Variants in CYFIP1 observed in about 807,000 individuals in gnomAD.
CYFIP1 encodes the protein cytoplasmic FMR1 interacting protein 1.
Under a neutral mutation model 163.5 loss-of-function variants are expected in CYFIP1, and 58 were observed. That is an observed-to-expected ratio of 0.35 (90% CI 0.29 to 0.44). The LOEUF (loss-of-function observed/expected upper bound fraction) is 0.44, where lower values mean the gene tolerates loss of function less well. CYFIP1 is among the 20% of genes least tolerant of loss of function. The probability of loss-of-function intolerance (pLI) is 1.00; values close to 1 mark genes in which losing one functional copy is unlikely to be tolerated. For synonymous variants in CYFIP1, 663 were observed against 660.7 expected (o/e 1.00, Z -0.05); for missense variants, 1,338 against 1,653.8 (o/e 0.81, Z 3.31).
intron 23 of CYFIP1, among the ~76,000 whole-genome samples, chr15:22,883,891 TAC>T (rs1037929435): frequency 1.3e-5 from 2 of 150,582 alleles, no homozygotes; most frequent in African/African-American, 2.5e-5. Flanking sequence ...TCAGAAAACT[TAC>T]AGTTATGCAG....
chr15:22,915,017 G>A (rs1445006050), intron 16 of CYFIP1, 135 bp from the exon 17 acceptor site: 7 of 885,928 alleles, frequency 7.9e-6, no homozygotes, highest in African/African-American at 1.7e-5. Context: ...GGACATGAGT[G>A]GGGAGGGGTC....
At chr15:22,871,942 A>C (rs2059111874) in intron 30 of CYFIP1, among the ~76,000 whole-genome samples, 1 of 141,344 alleles carries the variant, frequency 7.1e-6, no homozygotes, top group South Asian at 2.3e-4. Flanking sequence ...TTGTGAGATA[A>C]TCAGTGGTAT....
At chr15:22,908,603 C>T (rs2060670676) in intron 21 of CYFIP1, among the ~76,000 whole-genome samples, 1 of 135,668 alleles carries the variant, frequency 7.4e-6, no homozygotes, top group South Asian at 2.4e-4. Flanking sequence ...GATCTGGGCT[C>T]ACTGCAACCC....
chr15:22,916,729 C>T (rs376121137), intron 15 of CYFIP1, 99 bp from the exon 16 acceptor site: 39 of 1,613,466 alleles, frequency 2.4e-5, no homozygotes, highest in African/African-American at 9.3e-5. Context: ...TGCTCCGCTA[C>T]GCCCTGGTCG....
chr15:22,878,683 A>C (rs2059656710), intron 26 of CYFIP1, among the ~76,000 whole-genome samples: 3 of 151,972 alleles, frequency 2.0e-5, no homozygotes, highest in African/African-American at 4.8e-5. Context: ...TTAAAAAAAA[A>C]AAAAAGTGCT....
intron 1 of CYFIP1, among the ~76,000 whole-genome samples, chr15:22,976,133 C>T (rs1001771361): frequency 1.3e-5 from 2 of 151,822 alleles, no homozygotes; most frequent in Admixed American, 6.6e-5. Flanking sequence ...TTGAAGCAAA[C>T]GAAATGTTGT....
rs2059185225 is a variant in CYFIP1 at position 22,867,462 on chromosome 15, T to C, written c.*2566A>G. 2.7e-5 allele frequency: 9 copies of C among 337,884 alleles called. No homozygotes were observed. The highest frequency in any genetic ancestry group is 9.6e-5 in the Admixed American group (2 of 20,892). The allele number at this position is 337,884 out of a possible 1,614,324, so 20.9% of individuals were successfully genotyped here. On this transcript the variant is annotated 3_prime_UTR_variant, in exon 31 of 31. Transcript: ENST00000617928. ...GATGATCACCGTGAATCCGGCTTCC[T>C]CTGAGCATTCGATGGCCTTAGCACC...
In CYFIP1 at chr15:22,874,537, C is replaced by G. The variant is rs200179644; in HGVS notation, c.3210+13G>C. ...CAGCTTGCAACAGCCACAGCCATCA[C>G]GGTACACGTTACCTGAGGGGTCCCC... On this transcript the variant is annotated intron_variant, in intron 28 of 30. Transcript: ENST00000617928. 8 of 1,578,714 alleles carry G rather than the reference C, an allele frequency of 5.1e-6. No homozygotes were observed. In the African/African-American group the frequency reaches 9.6e-5, roughly 19 times the overall value.
chr15:22,893,991 C>A (rs994214489), intron 22 of CYFIP1, among the ~76,000 whole-genome samples: 1 of 152,118 alleles, frequency 6.6e-6, no homozygotes, highest in Non-Finnish European at 1.5e-5. Flanking sequence ...GGAGGCGCTA[C>A]GGTCAGGGTG....
At chr15:22,883,138 A>G (rs1188754799) in intron 23 of CYFIP1, 127 bp from the exon 24 acceptor site, 2 of 1,100,024 alleles carry the variant, frequency 1.8e-6, no homozygotes, top group Non-Finnish European at 2.6e-6. Flanking sequence ...GACTTGTAAA[A>G]TCTACTGCCC....
chr15:22,896,910 CT>C lies in CYFIP1; in HGVS notation c.2589-3934del, dbSNP rs1314929576. Among the ~76,000 whole-genome samples, 598 of 152,140 alleles carry C rather than the reference CT, an allele frequency of 3.9e-3. 3 individuals are homozygous for C. The highest frequency in any genetic ancestry group is 0.014 in the African/African-American group (569 of 41,514). On this transcript the variant is annotated intron_variant, in intron 22 of 30. Coordinates refer to ENST00000617928, the MANE Select transcript of CYFIP1 (RefSeq NM_014608.6). ...TTGCATGTCTTGACTTTGTTACTGT[CT>C]TTTAAAGAGTGTTGGCCGGGCGAGG...
chr15:22,886,249 A>G (rs1316942301), intron 23 of CYFIP1, among the ~76,000 whole-genome samples: 1 of 152,104 alleles, frequency 6.6e-6, no homozygotes, highest in Non-Finnish European at 1.5e-5. Context: ...ATTTCAGATG[A>G]GATTTGGGTG....
chr15:22,962,801 ACTG>A (rs540514027), intron 1 of CYFIP1, among the ~76,000 whole-genome samples: 107 of 152,318 alleles, frequency 7.0e-4, no homozygotes, highest in African/African-American at 2.6e-3. Flanking sequence ...TACTGTGCCC[ACTG>A]CTATTACGAG....
chr15:22,919,305 A>G (rs2061100946), intron 13 of CYFIP1, among the ~76,000 whole-genome samples: 1 of 152,220 alleles, frequency 6.6e-6, no homozygotes, highest in African/African-American at 2.4e-5. Flanking sequence ...ACATAATTAC[A>G]TGACAAAGAG....
intron 6 of CYFIP1, among the ~76,000 whole-genome samples, chr15:22,941,259 G>T (rs142223279): frequency 5.8e-4 from 88 of 151,818 alleles, no homozygotes; most frequent in African/African-American, 2.0e-3. Flanking sequence ...ATGGGGTCTT[G>T]CTATGTTACC....
intron 17 of CYFIP1, among the ~76,000 whole-genome samples, chr15:22,912,759 A>T (rs2060828655): frequency 6.6e-6 from 1 of 152,056 alleles, no homozygotes; most frequent in African/African-American, 2.4e-5. Context: ...TGTCTCTAAC[A>T]AAACTACAAA....
intron 1 of CYFIP1, among the ~76,000 whole-genome samples, chr15:22,959,581 G>A (rs970181681): frequency 2.4e-4 from 36 of 152,178 alleles, no homozygotes; most frequent in African/African-American, 6.3e-4. Flanking sequence ...GCATGACCTC[G>A]GGCGCTTGAC....
At chr15:22,907,543 G>A (rs11263677) in intron 21 of CYFIP1, among the ~76,000 whole-genome samples, 28,804 of 152,134 alleles carry the variant, frequency 0.19, 2,929 homozygotes, top group African/African-American at 0.26. Context: ...CTTGGGTGAA[G>A]GGGAGAAAGG....
intron 30 of CYFIP1, among the ~76,000 whole-genome samples, chr15:22,871,310 A>G (rs2059427424): frequency 6.6e-6 from 1 of 152,222 alleles, no homozygotes; most frequent in Admixed American, 6.5e-5. Flanking sequence ...ATAAAGAAAT[A>G]AGAGATGGAA....
Sources: allele counts gnomAD v4.1 joint callset (sites outside exome capture counted in the v4.1 genomes callset), GRCh38; gene constraint gnomAD v4.1.1; transcripts MANE v1.5; gene names NCBI Gene and HGNC (gene_info 2026-07-23, HGNC 2026-07-21).